BABAM2: variants seen among roughly 807,000 people sequenced by gnomAD.
BABAM2 encodes BRISC and BRCA1-A complex member 2.
In BABAM2, 31 loss-of-function variants were observed where a neutral mutation model predicts 54.7. That is an observed-to-expected ratio of 0.57 (90% CI 0.43 to 0.77). The LOEUF is 0.77. BABAM2 is among the 30% of genes least tolerant of loss of function. The pLI is 0.00. For synonymous variants in BABAM2, 167 were observed against 162.9 expected (o/e 1.03, Z -0.19); for missense variants, 364 against 455.8 (o/e 0.80, Z 1.83).
At chr2:28,272,161 C>T (rs1219828416) in intron 10 of BABAM2, among the ~76,000 whole-genome samples, 2 of 152,158 alleles carry the variant, frequency 1.3e-5, no homozygotes, top group African/African-American at 4.8e-5. Context: ...TTTAGACCAG[C>T]TTACTGTTCA....
intron 6 of BABAM2, among the ~76,000 whole-genome samples, chr2:28,065,839 A>G (rs7565833): frequency 6.6e-6 from 1 of 151,956 alleles, no homozygotes; most frequent in Non-Finnish European, 1.5e-5. Context: ...CAATTTATTC[A>G]ACAATATTTA....
intron 10 of BABAM2, among the ~76,000 whole-genome samples, chr2:28,295,742 C>A (rs752583180): frequency 4.3e-4 from 66 of 152,032 alleles, no homozygotes; most frequent in Non-Finnish European, 8.2e-4. Context: ...GGTAATCTGC[C>A]TGCCTCAGCC....
At chr2:28,157,668 A>T (rs933994141) in intron 7 of BABAM2, among the ~76,000 whole-genome samples, 3 of 152,072 alleles carry the variant, frequency 2.0e-5, no homozygotes, top group African/African-American at 7.2e-5. Context: ...GTGGAGTGCA[A>T]TGGCGCGATC....
rs1023195865 is a variant in BABAM2 at position 28,334,356 on chromosome 2, C to T, written c.1089-4094C>T. ...AGGTAAGTGGAGGGCTCCCCGGACC[C>T]GACCCCTGCCCAGCTCAGGCCAGCG... On this transcript the variant is annotated intron_variant, in intron 11 of 11. Transcript: ENST00000379624. Among the ~76,000 whole-genome samples the T allele has an allele frequency of 3.3e-5, 5 of 152,268 alleles. No individual in the cohort carries two copies. The East Asian group carries it at 5.8e-4, about 18-fold the overall frequency.
At chr2:28,087,737 C>G (rs549303308) in intron 6 of BABAM2, among the ~76,000 whole-genome samples, 18 of 152,080 alleles carry the variant, frequency 1.2e-4, no homozygotes, top group African/African-American at 4.1e-4. Context: ...CAACCTCTGC[C>G]TCCTGGGTTC....
intron 3 of BABAM2, among the ~76,000 whole-genome samples, chr2:27,934,328 T>A (rs1668333152): frequency 6.6e-6 from 1 of 152,212 alleles, no homozygotes; most frequent in South Asian, 2.1e-4. Context: ...GTTACTATTG[T>A]CATTGTGTTG....
At chr2:28,136,810 G>T (rs1203864977) in intron 7 of BABAM2, among the ~76,000 whole-genome samples, 2 of 152,164 alleles carry the variant, frequency 1.3e-5, no homozygotes, top group Non-Finnish European at 2.9e-5. Context: ...ATCTACAAGG[G>T]CTGGGATAAA....
chr2:28,080,016 G>A (rs1465105414), intron 6 of BABAM2, among the ~76,000 whole-genome samples: 1 of 152,018 alleles, frequency 6.6e-6, no homozygotes, highest in Non-Finnish European at 1.5e-5. Context: ...ACACTGTTTT[G>A]CACAGTGAAT....
At chr2:27,987,731 C>T (rs1469264840) in intron 3 of BABAM2, among the ~76,000 whole-genome samples, 1 of 150,334 alleles carries the variant, frequency 6.7e-6, no homozygotes, top group Non-Finnish European at 1.5e-5. Flanking sequence ...GGGAGAATTG[C>T]TTGAGCCTGG....
At chr2:28,092,328 T>C (rs1666221767) in intron 6 of BABAM2, among the ~76,000 whole-genome samples, 1 of 152,156 alleles carries the variant, frequency 6.6e-6, no homozygotes, top group Admixed American at 6.5e-5. Context: ...TAATGAAATA[T>C]ACAAAAAGAT....
At chr2:28,005,559 A>G (rs1462446864) in intron 4 of BABAM2, among the ~76,000 whole-genome samples, 2 of 152,152 alleles carry the variant, frequency 1.3e-5, no homozygotes, top group African/African-American at 2.4e-5. Context: ...AAATTGATAA[A>G]TTTTTAAGCC....
chr2:27,985,550 C>T (rs562256304), intron 3 of BABAM2, among the ~76,000 whole-genome samples: 90 of 152,080 alleles, frequency 5.9e-4, no homozygotes, highest in African/African-American at 2.1e-3. Context: ...AGCACTTAGA[C>T]GTTCAGTTCA....
At chr2:28,257,306 A>T (rs957029500) in intron 10 of BABAM2, among the ~76,000 whole-genome samples, 1 of 151,906 alleles carries the variant, frequency 6.6e-6, no homozygotes, top group Non-Finnish European at 1.5e-5. Flanking sequence ...GACAAACAAC[A>T]TTTTCTATTA....
rs1230838063 is a variant in BABAM2, at chr2:28,246,544, C to T, written c.934+1682C>T. Among the ~76,000 whole-genome samples the T allele has an allele frequency of 2.0e-5, 3 of 152,132 alleles. No homozygotes were observed. The East Asian group carries it at 5.8e-4, about 29-fold the overall frequency. The stretch of plus-strand genomic sequence containing the variant: ...AATGATGGTGGTGACGGCCTCGTGC[C>T]TCCTGAGTGGCTGTGGACAACTCCA... On this transcript the variant is annotated intron_variant, in intron 10 of 11. Coordinates refer to ENST00000379624, the MANE Select transcript of BABAM2 (RefSeq NM_199191.3).
chr2:28,090,284 C>T (rs564872717), intron 6 of BABAM2, among the ~76,000 whole-genome samples: 13 of 152,174 alleles, frequency 8.5e-5, no homozygotes, highest in South Asian at 2.1e-4. Context: ...CTCGCTCCGT[C>T]GCCAGGCTGG....
chr2:27,957,862 A>G (rs761892511), intron 3 of BABAM2, among the ~76,000 whole-genome samples: 12 of 152,190 alleles, frequency 7.9e-5, no homozygotes, highest in Non-Finnish European at 1.6e-4. Context: ...TGAGGCTTTC[A>G]TCTTACTCTA....
chr2:28,010,038 G>T (rs1023163470), intron 4 of BABAM2, among the ~76,000 whole-genome samples: 4 of 152,166 alleles, frequency 2.6e-5, no homozygotes, highest in Non-Finnish European at 5.9e-5. Flanking sequence ...AAGGACTGGG[G>T]TACTGCTCAT....
At chr2:28,242,687 A>G (rs187759009) in intron 9 of BABAM2, among the ~76,000 whole-genome samples, 17 of 152,362 alleles carry the variant, frequency 1.1e-4, no homozygotes, top group African/African-American at 3.4e-4. Flanking sequence ...CCTCTGGGAT[A>G]TAATTTTCAA....
intron 5 of BABAM2, among the ~76,000 whole-genome samples, chr2:28,034,296 T>C (rs963808351): frequency 6.6e-6 from 1 of 152,200 alleles, no homozygotes; most frequent in African/African-American, 2.4e-5. Context: ...CTCTAGGTTT[T>C]TCCATGTGTC....
Sources: gnomAD v4.1 joint callset for allele counts (sites outside exome capture counted in the v4.1 genomes callset) on GRCh38, gnomAD v4.1.1 for gene constraint, MANE v1.5 for transcripts, NCBI Gene and HGNC (gene_info 2026-07-23, HGNC 2026-07-21) for gene names.